Variants in C9 observed in about 807,000 individuals in gnomAD.
C9 encodes complement C9.
Under a neutral mutation model 65.4 loss-of-function variants are expected in C9, and 63 were observed. That is an observed-to-expected ratio of 0.96 (90% CI 0.79 to 1.19). C9 has a LOEUF of 1.19. C9 is among the 50% of genes most tolerant of loss of function. The probability of loss-of-function intolerance (pLI) is 0.00; values close to 1 mark genes in which losing one functional copy is unlikely to be tolerated. For synonymous variants in C9, 229 were observed against 227.9 expected (o/e 1.00, Z -0.04); for missense variants, 744 against 670.1 (o/e 1.11, Z -1.22).
intron 9 of C9, among the ~76,000 whole-genome samples, chr5:39,293,700 A>G (rs1002872452): frequency 2.0e-5 from 3 of 152,030 alleles, no homozygotes; most frequent in Non-Finnish European, 4.4e-5. Flanking sequence ...ACCATAGACC[A>G]AATGAACCTA....
chr5:39,355,440 C>T (rs1039269469), intron 1 of C9, among the ~76,000 whole-genome samples: 1 of 137,446 alleles, frequency 7.3e-6, no homozygotes, highest in African/African-American at 2.6e-5. Context: ...TTCTTAGCTT[C>T]TAACCCAAGG....
intron 6 of C9, among the ~76,000 whole-genome samples, chr5:39,315,477 A>G (rs1579852913): frequency 6.6e-6 from 1 of 152,164 alleles, no homozygotes; most frequent in East Asian, 1.9e-4. Flanking sequence ...TTCTTCATTA[A>G]AATTCTGATG....
At chr5:39,334,250 G>A (rs545560656) in intron 4 of C9, among the ~76,000 whole-genome samples, 6 of 149,856 alleles carry the variant, frequency 4.0e-5, no homozygotes, top group Admixed American at 6.6e-5. Flanking sequence ...TGTGGGGAGC[G>A]CCTCAGCCCT....
chr5:39,349,030 G>C (rs1754267883), intron 1 of C9, among the ~76,000 whole-genome samples: 1 of 150,642 alleles, frequency 6.6e-6, no homozygotes, highest in Non-Finnish European at 1.5e-5. Context: ...GTGGGGTGGG[G>C]GGGAGGGGGG....
At chr5:39,300,818 A>T (rs1406422547) in intron 9 of C9, among the ~76,000 whole-genome samples, 1 of 152,176 alleles carries the variant, frequency 6.6e-6, no homozygotes, top group Non-Finnish European at 1.5e-5. Flanking sequence ...CATACCATGT[A>T]TAGAAAGACA....
intron 1 of C9, among the ~76,000 whole-genome samples, chr5:39,356,507 C>T (rs1161160141): frequency 1.3e-5 from 2 of 152,222 alleles, no homozygotes; most frequent in Admixed American, 1.3e-4. Context: ...GTGGGACAGC[C>T]TGACGCTTGC....
At chr5:39,311,712 C>T (rs1289486849) in intron 6 of C9, among the ~76,000 whole-genome samples, 1 of 152,022 alleles carries the variant, frequency 6.6e-6, no homozygotes, top group South Asian at 2.1e-4. Context: ...ATTTTGTTCA[C>T]AAAAGTATCT....
intron 4 of C9, among the ~76,000 whole-genome samples, chr5:39,334,039 C>T (rs2111935627): frequency 6.6e-6 from 1 of 152,204 alleles, no homozygotes; most frequent in South Asian, 2.1e-4. Flanking sequence ...GCCACCCCGT[C>T]TGGGAAGTGA....
intron 1 of C9, among the ~76,000 whole-genome samples, chr5:39,358,659 T>C (rs1050544721): frequency 2.6e-5 from 4 of 151,972 alleles, no homozygotes; most frequent in African/African-American, 9.7e-5. Context: ...CCCATGGAGA[T>C]AGCGAAAAGC....
intron 1 of C9, among the ~76,000 whole-genome samples, chr5:39,344,686 T>C: frequency 6.6e-6 from 1 of 151,914 alleles, no homozygotes; most frequent in South Asian, 2.1e-4. Flanking sequence ...ACAAAGATAC[T>C]CCTCGAGAAG....
intron 5 of C9, among the ~76,000 whole-genome samples, chr5:39,329,234 T>C (rs1753803290): frequency 6.6e-6 from 1 of 152,204 alleles, no homozygotes; most frequent in Non-Finnish European, 1.5e-5. Context: ...AAGTGGTCAG[T>C]AAGTCTTGAC....
At position 39,346,205 on chromosome 5, in the gene C9, C is replaced by A. The variant is rs560191593; in HGVS notation, c.78-4009G>T. On this transcript the variant is annotated intron_variant, in intron 1 of 10. Transcript: ENST00000263408. ...CTGAAGGACATAGAGACACAAAAAA[C>A]CCTTCAAAAAATTAATGAATCCAGG... Among the ~76,000 whole-genome samples, 12 of 152,196 alleles carry A rather than the reference C, an allele frequency of 7.9e-5. 1 individual carries two copies. In the South Asian group the frequency reaches 2.1e-3, roughly 26 times the overall value.
In C9 at chr5:39,302,193, T is replaced by C. The variant is rs529129731; in HGVS notation, c.1416+4424A>G. ...AGGAGGACAAAGGAAAATTAAAATG[T>C]ACTTTTTGAAGTTTTCCTGAAGGGT... On this transcript the variant is annotated intron_variant, in intron 9 of 10. Transcript: ENST00000263408. Among the ~76,000 whole-genome samples the C allele has an allele frequency of 2.6e-5, 4 of 152,244 alleles. No homozygotes were observed. In the South Asian group the frequency reaches 8.3e-4, roughly 32 times the overall value.
In C9 at chr5:39,325,758, C is replaced by T. The variant is rs188552083; in HGVS notation, c.615+5918G>A. 1.7e-3 allele frequency among the ~76,000 whole-genome samples: 210 copies of T among 125,156 alleles called. 1 individual carries two copies. Among genetic ancestry groups the T allele is most frequent in the African/African-American group, 6.0e-3 (189 of 31,652 alleles). The allele number at this position is 125,156 out of a possible 152,430, so 82.1% of individuals were successfully genotyped here. On this transcript the variant is annotated intron_variant, in intron 5 of 10. Coordinates refer to ENST00000263408, the MANE Select transcript of C9 (RefSeq NM_001737.5). The stretch of plus-strand genomic sequence containing the variant: ...CTGCACTCCAGCCTGGGCAACAGAG[C>T]GAGACTCCATCTCAAAAAAAAAAAA...
chr5:39,345,786 A>C (rs1097212), intron 1 of C9, among the ~76,000 whole-genome samples: 11,767 of 152,196 alleles, frequency 0.077, 886 homozygotes, highest in African/African-American at 0.19. Flanking sequence ...CACTCCTCAG[A>C]AAATGTAAAA....
chr5:39,360,048 AT>A (rs1030042667), intron 1 of C9, among the ~76,000 whole-genome samples: 1 of 152,232 alleles, frequency 6.6e-6, no homozygotes, highest in African/African-American at 2.4e-5. Context: ...AAAAAGTGAC[AT>A]TTTAAATATC....
Position 39,334,300 on chromosome 5 carries a change from C to T in C9, c.477-2486G>A, listed in dbSNP as rs540299608. On this transcript the variant is annotated intron_variant, in intron 4 of 10. Transcript: ENST00000263408. ...GATGTGAGAAGCGCCTCTGCCCGGC[C>T]GCAACCCCGTCTGGGAGGAGAGGAG... Among the ~76,000 whole-genome samples the T allele has an allele frequency of 6.6e-4, 99 of 150,332 alleles. 1 individual carries two copies. Among genetic ancestry groups the T allele is most frequent in the Non-Finnish European group, 1.2e-3 (83 of 67,784 alleles).
chr5:39,331,584 T>C lies in C9; in HGVS notation c.615+92A>G, dbSNP rs929038353. 2.2e-5 allele frequency: 23 copies of C among 1,041,490 alleles called. No homozygotes were observed. In the African/African-American group the frequency reaches 3.4e-4, roughly 16 times the overall value. The allele number at this position is 1,041,490 out of a possible 1,614,324, so 64.5% of individuals were successfully genotyped here. A position where few individuals can be genotyped will look rare whatever the true frequency, so the allele number is the denominator to read the frequency against. On this transcript the variant is annotated intron_variant, in intron 5 of 10. Coordinates refer to ENST00000263408, the MANE Select transcript of C9 (RefSeq NM_001737.5). ...TTGTGTTCATGTGAAATTATTATTC[T>C]ACTGAGTTTTTCACATTGTTTGGTA...
chr5:39,304,422 G>C (rs1028079235), intron 9 of C9, among the ~76,000 whole-genome samples: 10 of 152,130 alleles, frequency 6.6e-5, no homozygotes, highest in African/African-American at 2.4e-4. Context: ...TCCTGAAAAT[G>C]AATTAGTGAT....
Sources: gnomAD v4.1 joint callset for allele counts (sites outside exome capture counted in the v4.1 genomes callset) on GRCh38, gnomAD v4.1.1 for gene constraint, MANE v1.5 for transcripts, NCBI Gene and HGNC (gene_info 2026-07-23, HGNC 2026-07-21) for gene names.